Variants in KDM5A observed in about 807,000 individuals in gnomAD.
KDM5A encodes the protein lysine demethylase 5A.
Under a neutral mutation model 193.5 loss-of-function variants are expected in KDM5A, and 42 were observed. That is an observed-to-expected ratio of 0.22 (90% CI 0.17 to 0.28). The LOEUF (loss-of-function observed/expected upper bound fraction) is 0.28, where lower values mean the gene tolerates loss of function less well. Among genes scored for constraint, KDM5A ranks in the 10% least tolerant of loss-of-function variants. KDM5A has a pLI of 1.00. For synonymous variants in KDM5A, 796 were observed against 718.1 expected (o/e 1.11, Z -1.73); for missense variants, 1,692 against 2,055.1 (o/e 0.82, Z 3.42).
At chr12:297,615 A>G (rs1943389274) in intron 24 of KDM5A, among the ~76,000 whole-genome samples, 1 of 152,168 alleles carries the variant, frequency 6.6e-6, no homozygotes, top group East Asian at 1.9e-4. Flanking sequence ...CACTTAAGAT[A>G]AGGAAATTTT....
intron 13 of KDM5A, chr12:329,242 TC>T: frequency 1.7e-6 from 1 of 579,654 alleles, no homozygotes; most frequent in Non-Finnish European, 3.1e-6. Flanking sequence ...ATTCCCATAA[TC>T]TGAGATGCTA....
intron 17 of KDM5A, among the ~76,000 whole-genome samples, chr12:321,491 G>T (rs1943716929): frequency 6.6e-6 from 1 of 152,218 alleles, no homozygotes; most frequent in Admixed American, 6.5e-5. Flanking sequence ...GTGTGCACAT[G>T]ATTTTTCTAA....
rs969095747 is a variant in KDM5A at position 313,301 on chromosome 12, C to T, written c.2898-107G>A. ...TTTACATGATTTCACTGAATTCTTA[C>T]CACAATCCTATAAGGGAGGCAAAGC... On this transcript the variant is annotated intron_variant, in intron 19 of 27. Transcript: ENST00000399788. 9.9e-5 allele frequency: 129 copies of T among 1,308,648 alleles called. No individual in the cohort carries two copies. In the African/African-American group the frequency reaches 1.8e-3, roughly 18 times the overall value. The allele number at this position is 1,308,648 out of a possible 1,614,324, so 81.1% of individuals were successfully genotyped here. A position where few individuals can be genotyped will look rare whatever the true frequency, so the allele number is the denominator to read the frequency against.
At chr12:303,992 T>C (rs1404999850) in intron 24 of KDM5A, among the ~76,000 whole-genome samples, 1 of 152,200 alleles carries the variant, frequency 6.6e-6, no homozygotes, top group African/African-American at 2.4e-5. Flanking sequence ...GAAAAATAAG[T>C]TCAGCTTGCA....
intron 3 of KDM5A, among the ~76,000 whole-genome samples, chr12:367,683 T>C (rs1944375067): frequency 6.6e-6 from 1 of 151,164 alleles, no homozygotes; most frequent in African/African-American, 2.4e-5. Flanking sequence ...GCCTGGACAG[T>C]AGAGTGAGAC....
chr12:336,177 G>T (rs951123007), intron 10 of KDM5A, among the ~76,000 whole-genome samples: 1 of 151,568 alleles, frequency 6.6e-6, no homozygotes, highest in Non-Finnish European at 1.5e-5. Context: ...TGGTCAACAT[G>T]GCGGGACCCC....
At position 334,411 on chromosome 12, in the gene KDM5A, A is replaced by G; in HGVS notation, c.1320T>C (p.Leu440=). The part of the protein sequence containing the change: ...KILPEEEEYA[L]SGWNLNNMPV... ...GCATGTTATTCAAATTCCAACCAGA[A>G]AGTGCATATTCCTATAAGAGAAGAA... is the stretch of plus-strand genomic sequence containing the variant. Residue 440 remains leucine, a synonymous_variant, in exon 11 of 28, where the codon CTT becomes CTC. Coordinates refer to ENST00000399788, the MANE Select transcript of KDM5A (RefSeq NM_001042603.3). 1 of 1,613,372 alleles carries G rather than the reference A, an allele frequency of 6.2e-7. No individual in the cohort carries two copies. The highest frequency in any genetic ancestry group is 8.5e-7 in the Non-Finnish European group (1 of 1,179,364).
chr12:320,289 G>A (rs961481770), intron 18 of KDM5A, among the ~76,000 whole-genome samples: 3 of 152,162 alleles, frequency 2.0e-5, no homozygotes, highest in African/African-American at 7.2e-5. Context: ...TTGAGGTCAG[G>A]AGTTTGAAAC....
At position 329,021 on chromosome 12, in the gene KDM5A, A is replaced by T. The variant is rs1943829350; in HGVS notation, c.1782T>A (p.Ile594=). 1.2e-6 allele frequency: 2 copies of T among 1,614,040 alleles called. No individual in the cohort carries two copies. The highest frequency in any genetic ancestry group is 2.7e-5 in the African/African-American group (2 of 74,952). The part of the protein sequence containing the change: ...VNFCTADWLP[I]GRQCVNHYRR... The stretch of plus-strand genomic sequence containing the variant: ...GGTAATGATTTACACATTGACGTCC[A>T]ATGGGCAACTGAAAATGAGATTTCC... The change falls in exon 14 of 28, where the codon ATT becomes ATA. Residue 594 remains isoleucine, a synonymous_variant. Coordinates refer to ENST00000399788, the MANE Select transcript of KDM5A (RefSeq NM_001042603.3).
chr12:308,569 T>C (rs933778374), intron 22 of KDM5A, among the ~76,000 whole-genome samples: 1 of 152,186 alleles, frequency 6.6e-6, no homozygotes, highest in South Asian at 2.1e-4. Context: ...TGACGATCAG[T>C]TGTAACAACA....
chr12:384,898 T>C (rs1053720849), intron 2 of KDM5A, among the ~76,000 whole-genome samples: 6 of 152,054 alleles, frequency 3.9e-5, no homozygotes, highest in African/African-American at 1.4e-4. Context: ...AAAGAAAAAA[T>C]ATGCATTGCG....
intron 14 of KDM5A, among the ~76,000 whole-genome samples, chr12:326,102 A>C (rs968314341): frequency 1.3e-5 from 2 of 152,218 alleles, no homozygotes; most frequent in African/African-American, 4.8e-5. Context: ...GCAATTAGGA[A>C]AGAAAAGTGG....
chr12:338,418 A>G (rs954480325), intron 10 of KDM5A, among the ~76,000 whole-genome samples: 13 of 152,192 alleles, frequency 8.5e-5, no homozygotes, highest in Non-Finnish European at 2.9e-5. Context: ...GTGTTGCCAT[A>G]ATTTGTTACT....
At chr12:298,338 C>G (rs4980875) in intron 24 of KDM5A, among the ~76,000 whole-genome samples, 32,248 of 152,190 alleles carry the variant, frequency 0.21, 3,649 homozygotes, top group South Asian at 0.3. Flanking sequence ...GATGAAGCTT[C>G]CAGAGGAAGG....
intron 3 of KDM5A, among the ~76,000 whole-genome samples, chr12:374,799 T>A (rs1944480344): frequency 6.6e-6 from 1 of 152,230 alleles, no homozygotes; most frequent in Admixed American, 6.5e-5. Flanking sequence ...CATTTGCTTG[T>A]CTGTAAAGGA....
intron 10 of KDM5A, among the ~76,000 whole-genome samples, chr12:349,474 C>G (rs901725321): frequency 4.0e-5 from 6 of 151,594 alleles, no homozygotes; most frequent in African/African-American, 1.5e-4. Context: ...GGATTACAGG[C>G]GCCCACCACC....
intron 24 of KDM5A, among the ~76,000 whole-genome samples, chr12:305,462 T>G (rs944460138): frequency 6.6e-6 from 1 of 152,032 alleles, no homozygotes; most frequent in African/African-American, 2.4e-5. Flanking sequence ...GCTGATGAGA[T>G]TAATGAGCAG....
intron 10 of KDM5A, among the ~76,000 whole-genome samples, chr12:340,211 G>A (rs972940684): frequency 3.9e-5 from 6 of 152,022 alleles, no homozygotes; most frequent in African/African-American, 1.5e-4. Flanking sequence ...GGTTATAAAA[G>A]ACATTGCGAC....
At chr12:384,622 G>A (rs1944617071) in intron 2 of KDM5A, among the ~76,000 whole-genome samples, 1 of 152,270 alleles carries the variant, frequency 6.6e-6, no homozygotes, top group East Asian at 1.9e-4. Context: ...CAATAATAAA[G>A]AGGCAAAAGA....
Sources: allele counts gnomAD v4.1 joint callset (sites outside exome capture counted in the v4.1 genomes callset), GRCh38; gene constraint gnomAD v4.1.1; transcripts MANE v1.5; gene names NCBI Gene and HGNC (gene_info 2026-07-23, HGNC 2026-07-21).